The following SNRPB variants were observed in gnomAD, a reference collection of about 807,000 sequenced individuals.
SNRPB encodes small nuclear ribonucleoprotein-associated proteins B and B'.
In SNRPB, 5 loss-of-function variants were observed where a neutral mutation model predicts 26.6. The ratio of observed to expected loss-of-function variants is 0.19; its 90% CI spans 0.10 to 0.39. The LOEUF (loss-of-function observed/expected upper bound fraction) is 0.39. Among genes scored for constraint, SNRPB ranks in the 10% least tolerant of loss-of-function variants. SNRPB has a pLI of 1.00. For synonymous variants in SNRPB, 122 were observed against 105.8 expected (o/e 1.15, Z -0.94); for missense variants, 211 against 311.9 (o/e 0.68, Z 2.44).
chr20:2,463,030 A>G lies in SNRPB; in HGVS notation c.559+59T>C, dbSNP rs1351486896. ...GCTTCAGTCAAGGTTATATCTCATCATTAATCCAGCTAAGGCATCTTCTAT... is the reference window on the plus strand; with the variant it reads ...GCTTCAGTCAAGGTTATATCTCATCGTTAATCCAGCTAAGGCATCTTCTAT... On this transcript the variant is annotated intron_variant, in intron 5 of 6. Transcript: ENST00000381342. This position sits in a 1 kb window ranked among gnomAD's most constrained non-coding sequence, Gnocchi z 5.0. 12 of 1,411,640 alleles carry G rather than the reference A, an allele frequency of 8.5e-6. No individual in the cohort carries two copies. The highest frequency in any genetic ancestry group is 8.7e-6 in the Non-Finnish European group (9 of 1,038,812). 87.4% of individuals were successfully genotyped at this position (1,411,640 alleles called of 1,614,324 possible).
chr20:2,465,886 C>G, intron 2 of SNRPB, 67 bp from the exon 3 acceptor site: 1 of 1,204,648 alleles, frequency 8.3e-7, no homozygotes. Flanking sequence ...GCCTAGTGGC[C>G]TCCAAGATTT....
intron 2 of SNRPB, 87 bp downstream of exon 2, chr20:2,467,520 T>C (rs1423025678): frequency 8.0e-7 from 1 of 1,251,824 alleles, no homozygotes; most frequent in Non-Finnish European, 1.1e-6. Flanking sequence ...AAGAACCAAC[T>C]AGCTACATCA....
chr20:2,470,419 T>C (rs1600004508), intron 1 of SNRPB, among the ~76,000 whole-genome samples: 1 of 152,220 alleles, frequency 6.6e-6, no homozygotes, highest in Non-Finnish European at 1.5e-5. Context: ...TCCCAGGAAT[T>C]ATGGCTACAG....
chr20:2,462,142 G>C (rs1254973592), intron 6 of SNRPB, among the ~76,000 whole-genome samples: 2 of 152,114 alleles, frequency 1.3e-5, no homozygotes, highest in Non-Finnish European at 2.9e-5. Context: ...AGAGAAACAG[G>C]GGTCACCAAG....
chr20:2,462,962 G>GGATCTCA, intron 5 of SNRPB, 127 bp downstream of exon 5: 3 of 1,065,830 alleles, frequency 2.8e-6, no homozygotes, highest in Non-Finnish European at 1.4e-6. Context: ...CAGCCACGCT[G>GGATCTCA]GATCTCAGAG....
chr20:2,462,357 A>T (rs1475691611), intron 6 of SNRPB, among the ~76,000 whole-genome samples: 2 of 152,196 alleles, frequency 1.3e-5, no homozygotes, highest in Non-Finnish European at 2.9e-5. Flanking sequence ...ACAATCTCAT[A>T]ACTTCTGTTA....
At position 2,470,746 on chromosome 20, in the gene SNRPB, C is replaced by G. The variant is rs2085109221; in HGVS notation, c.-56G>C. 1 of 1,607,502 alleles carries G rather than the reference C, an allele frequency of 6.2e-7. No homozygotes were observed. The highest frequency in any genetic ancestry group is 1.3e-5 in the African/African-American group (1 of 74,866). On this transcript the variant is annotated 5_prime_UTR_variant, in exon 1 of 7. Transcript: ENST00000381342. ...CGGATTCGCCTCCTCAGAGGCCTAG[C>G]CTCTCTCCCACAGCCGATTTCCCGC...
At chr20:2,465,390 C>CTTTTTTT (rs1222595485) in intron 3 of SNRPB, among the ~76,000 whole-genome samples, 1 of 122,296 alleles carries the variant, frequency 8.2e-6, no homozygotes, top group African/African-American at 3.0e-5. Context: ...AGGGTAACCT[C>CTTTTTTT]TTTTTTTTTT....
At chr20:2,466,976 C>T (rs764214110) in intron 2 of SNRPB, among the ~76,000 whole-genome samples, 2 of 152,218 alleles carry the variant, frequency 1.3e-5, no homozygotes, top group Admixed American at 1.3e-4. Flanking sequence ...GTCACATCAT[C>T]TTTTTGTGCC....
At chr20:2,469,809 C>T (rs2085100474) in intron 1 of SNRPB, among the ~76,000 whole-genome samples, 1 of 152,222 alleles carries the variant, frequency 6.6e-6, no homozygotes, top group African/African-American at 2.4e-5. Context: ...TTCCCGTCTT[C>T]CCTTCTTTCT....
In SNRPB at chr20:2,463,089, C is replaced by T. The variant is rs2085046918; in HGVS notation, c.559G>A (p.Gly187Ser). Reference protein sequence around the residue: ...PPMGRGAPPPGMMGPPPGMRP... With the variant: ...PPMGRGAPPPSMMGPPPGMRP... ...ACTGGTCTCCTTATGGGCTCCTCAC[C>T]TGGAGGGGGTGCTCCTCGGCCCATA... Residue 187 changes from glycine (G) to serine (S), a missense_variant and splice_region_variant, in exon 5 of 7, where the codon GGC (glycine) becomes AGC (serine). By Grantham distance (56) the Gly-to-Ser change is moderately conservative. Transcript: ENST00000381342. This position sits in a 1 kb window ranked among gnomAD's most constrained non-coding sequence, Gnocchi z 5.0. 6.4e-7 allele frequency: 1 copy of T among 1,558,500 alleles called. No homozygotes were observed. Among genetic ancestry groups the T allele is most frequent in the Non-Finnish European group, 8.7e-7 (1 of 1,155,414 alleles).
At chr20:2,469,498 T>C (rs6106763) in intron 1 of SNRPB, among the ~76,000 whole-genome samples, 133,142 of 152,092 alleles carry the variant, frequency 0.88, 58,382 homozygotes, top group East Asian at 0.98. Flanking sequence ...TCGAGACCAG[T>C]CTGGCCAACA....
intron 5 of SNRPB, among the ~76,000 whole-genome samples, 163 bp from the exon 6 acceptor site, chr20:2,462,924 TGG>T (rs1263992152): frequency 2.6e-5 from 4 of 152,254 alleles, no homozygotes; most frequent in African/African-American, 9.6e-5. Flanking sequence ...GGGCTCCCAA[TGG>T]CTCTTGTCCA....
chr20:2,465,798 T>C lies in SNRPB; in HGVS notation c.177A>G (p.Ala59=), dbSNP rs747827849. The C allele has an allele frequency of 6.2e-7, 1 of 1,613,704 alleles. No individual in the cohort carries two copies. Among genetic ancestry groups the C allele is most frequent in the Non-Finnish European group, 8.5e-7 (1 of 1,179,936 alleles). ...CGAGGACTCGCTTCTCTTCCCTTTC[T>C]GCTTGTTTGGAGTTCTTTGGCCTAA... The part of the protein sequence containing the change: ...RKIKPKNSKQ[A]EREEKRVLGL... The change falls in exon 3 of 7, where the codon GCA becomes GCG. Residue 59 remains alanine, a synonymous_variant. Transcript: ENST00000381342.
At chr20:2,465,877 C>A in intron 2 of SNRPB, 58 bp from the exon 3 acceptor site, 1 of 1,274,814 alleles carries the variant, frequency 7.8e-7, no homozygotes, top group African/African-American at 1.5e-5. Context: ...AGTTCACCTG[C>A]CTAGTGGCCT....
intron 3 of SNRPB, among the ~76,000 whole-genome samples, chr20:2,464,760 C>T (rs567259587): frequency 2.0e-5 from 3 of 152,060 alleles, no homozygotes; most frequent in Non-Finnish European, 4.4e-5. Flanking sequence ...ATCCCCGCTA[C>T]TCGGGAGGCT....
chr20:2,470,658 T>A (rs749819312), intron 1 of SNRPB, 30 bp downstream of exon 1: 1 of 1,613,334 alleles, frequency 6.2e-7, no homozygotes, highest in Admixed American at 1.7e-5. Context: ...ACTCGGAAGC[T>A]CCCGCGCCGC....
At chr20:2,467,386 T>G (rs1343263044) in intron 2 of SNRPB, 1 of 638,224 alleles carries the variant, frequency 1.6e-6, no homozygotes, top group African/African-American at 1.8e-5. Context: ...ACAAAAAGCC[T>G]AGCAGCCCTT....
chr20:2,468,907 C>A (rs563637395), intron 1 of SNRPB, among the ~76,000 whole-genome samples: 2 of 152,304 alleles, frequency 1.3e-5, no homozygotes, highest in Admixed American at 1.3e-4. Context: ...GCCTGGGTGA[C>A]AGGGAAAGAC....
Sources: allele counts gnomAD v4.1 joint callset (sites outside exome capture counted in the v4.1 genomes callset), GRCh38; gene constraint gnomAD v4.1.1; non-coding constraint Gnocchi (gnomAD v3.1); transcripts MANE v1.5; gene names NCBI Gene and HGNC (gene_info 2026-07-23, HGNC 2026-07-21).